The following GYG2 variants were observed in gnomAD, a reference collection of about 807,000 sequenced individuals.
GYG2 encodes the protein glycogenin-2.
GYG2 carries 29 observed loss-of-function variants against 29.4 expected under a neutral mutation model. The observed-to-expected ratio is 0.99, with a 90% CI of 0.74 to 1.35. The LOEUF is 1.35. Ranked by LOEUF, GYG2 falls within the 40% of genes most tolerant of loss-of-function variation. GYG2 has a pLI of 0.00. For synonymous variants in GYG2, 167 were observed against 172.3 expected (o/e 0.97, Z 0.24); for missense variants, 370 against 385.7 (o/e 0.96, Z 0.34).
In GYG2 at chrX:2,854,110, C is replaced by T. The variant is rs1193202982; in HGVS notation, c.280C>T (p.Leu94Phe). Residue 94 changes from leucine (L) to phenylalanine (F), a missense_variant, in exon 4 of 11, where the codon CTC becomes TTC. Transcript: ENST00000398806. ...CCTCACCAAGCTTCACTGTTGGACT[C>T]TCACTCACTACAGCAAGTGTGTCTT... The part of the protein sequence containing the change: ...LTLTKLHCWT[L>F]THYSKCVFLD... 2.5e-6 allele frequency: 3 copies of T among 1,205,651 alleles called. No homozygotes were observed. The highest frequency in any genetic ancestry group is 2.2e-5 in the Admixed American group (1 of 45,655).
In GYG2 at chrX:2,859,865, G is replaced by A; in HGVS notation, c.637G>A (p.Val213Ile). The A allele has an allele frequency of 1.0e-5, 12 of 1,199,030 alleles. No homozygotes were observed. Among genetic ancestry groups the A allele is most frequent in the Middle Eastern group, 2.3e-4 (1 of 4,309 alleles). Residue 213 changes from valine (V) to isoleucine (I), a missense_variant, in exon 7 of 11, where the codon GTC (valine) becomes ATC (isoleucine). By Grantham distance (29) the Val-to-Ile change is conservative. Transcript: ENST00000398806. ...CAGATTCGGTTCCAGTGCAAAGGTC[G>A]TCCACTTTTTGGGGTCCATGAAACC... is the stretch of plus-strand genomic sequence containing the variant. ...FKQFGSSAKV[V>I]HFLGSMKPWN...
At chrX:2,868,677 G>A (rs1160484111) in intron 8 of GYG2, among the ~76,000 whole-genome samples, 1 of 109,620 alleles carries the variant, frequency 9.1e-6, no homozygotes, top group Non-Finnish European at 1.9e-5. Flanking sequence ...GAAGGGATTG[G>A]GGGGCGAGGG....
chrX:2,843,087 A>G (rs1361433050), intron 2 of GYG2, 126 bp from the exon 3 acceptor site: 1 of 588,774 alleles, frequency 1.7e-6, no homozygotes, highest in Admixed American at 2.6e-5. Flanking sequence ...TGCTGGAATG[A>G]CAGGTGTGAA....
chrX:2,842,934 C>T (rs1221762694), intron 2 of GYG2: 1 of 354,256 alleles, frequency 2.8e-6, no homozygotes, highest in Admixed American at 3.7e-5. Flanking sequence ...CCACCTCAGC[C>T]TCTCCGAGTA....
chrX:2,839,435 T>G (rs994071232), intron 2 of GYG2, among the ~76,000 whole-genome samples: 2 of 111,255 alleles, frequency 1.8e-5, no homozygotes, highest in African/African-American at 6.5e-5. Context: ...GGAAGATTCC[T>G]GGTTTACACT....
intron 6 of GYG2, among the ~76,000 whole-genome samples, chrX:2,858,972 G>A (rs2088089354): frequency 9.0e-6 from 1 of 111,385 alleles, no homozygotes; most frequent in Non-Finnish European, 1.9e-5. Context: ...GATTTGGGCT[G>A]CTGTACTTCA....
At chrX:2,845,689 ACATT>A (rs1311003170) in intron 3 of GYG2, among the ~76,000 whole-genome samples, 3 of 106,158 alleles carry the variant, frequency 2.8e-5, no homozygotes. Flanking sequence ...GTATGTACAT[ACATT>A]TATTTATGCA....
At chrX:2,876,717 G>A (rs1039906838) in intron 9 of GYG2, among the ~76,000 whole-genome samples, 7 of 110,308 alleles carry the variant, frequency 6.3e-5, no homozygotes, top group African/African-American at 2.3e-4. Context: ...GGGAGGCCGA[G>A]GCGGGCGGAT....
At chrX:2,844,120 T>C (rs1284383489) in intron 3 of GYG2, among the ~76,000 whole-genome samples, 1 of 112,366 alleles carries the variant, frequency 8.9e-6, no homozygotes, top group African/African-American at 3.2e-5. Context: ...AAAAAATTGA[T>C]TTTATACGAA....
At chrX:2,868,262 T>C (rs1054551689) in intron 8 of GYG2, among the ~76,000 whole-genome samples, 8 of 108,744 alleles carry the variant, frequency 7.4e-5, no homozygotes, top group African/African-American at 2.7e-4. Flanking sequence ...AATCCTAGCA[T>C]GTTGGTAGGC....
At position 2,870,126 on chromosome X, in the gene GYG2, T is replaced by G. The variant is rs757416426; in HGVS notation, c.1039-5684T>G. On this transcript the variant is annotated intron_variant, in intron 8 of 10. Transcript: ENST00000398806. Reference sequence around the variant, plus strand: ...TTTTTTTTTTTTTAAGCTATCAAGTTTTTTTACTCTTTTTGTAGTGCATCT... The same window carrying G: ...TTTTTTTTTTTTTAAGCTATCAAGTGTTTTTACTCTTTTTGTAGTGCATCT... Among the ~76,000 whole-genome samples, 43 of 110,936 alleles carry G rather than the reference T, an allele frequency of 3.9e-4. No individual in the cohort carries two copies. The East Asian group carries it at 6.2e-3, about 16-fold the overall frequency.
At chrX:2,830,377 G>A (rs1186722354) in intron 2 of GYG2, among the ~76,000 whole-genome samples, 182 bp downstream of exon 2, 1 of 111,822 alleles carries the variant, frequency 8.9e-6, no homozygotes, top group Admixed American at 9.4e-5. Context: ...AGCCTCAGCT[G>A]CTGGGAGGGG....
intron 6 of GYG2, among the ~76,000 whole-genome samples, chrX:2,858,918 G>A (rs2088087785): frequency 9.0e-6 from 1 of 111,438 alleles, no homozygotes; most frequent in African/African-American, 3.3e-5. Flanking sequence ...ATTAGCCACT[G>A]TAAAAGCTAT....
intron 2 of GYG2, among the ~76,000 whole-genome samples, chrX:2,836,392 C>T (rs1299934561): frequency 9.0e-6 from 1 of 110,808 alleles, no homozygotes. Flanking sequence ...TAGTCTGGTG[C>T]GGTGGCTGGC....
At chrX:2,858,803 A>G (rs901774084) in intron 6 of GYG2, among the ~76,000 whole-genome samples, 1 of 111,913 alleles carries the variant, frequency 8.9e-6, no homozygotes, top group Non-Finnish European at 1.9e-5. Flanking sequence ...AAAAAAGTTT[A>G]AAAAGGCTCC....
At chrX:2,873,861 A>G (rs929236705) in intron 8 of GYG2, among the ~76,000 whole-genome samples, 2 of 111,080 alleles carry the variant, frequency 1.8e-5, no homozygotes, top group Non-Finnish European at 3.8e-5. Flanking sequence ...AGGCTGAGGC[A>G]GGCAGATCAC....
chrX:2,879,909 AGATG>A (rs771717765), intron 10 of GYG2, among the ~76,000 whole-genome samples: 75 of 110,536 alleles, frequency 6.8e-4, no homozygotes, highest in African/African-American at 1.5e-3. Flanking sequence ...ATGGATGGAC[AGATG>A]GATGGATGGA....
At chrX:2,851,392 C>T (rs754470457) in intron 3 of GYG2, among the ~76,000 whole-genome samples, 2 of 111,299 alleles carry the variant, frequency 1.8e-5, no homozygotes, top group South Asian at 7.7e-4. Flanking sequence ...ATTAGTTTCC[C>T]GCCACCGCAC....
chrX:2,844,881 C>T (rs2087627986), intron 3 of GYG2, among the ~76,000 whole-genome samples: 1 of 106,175 alleles, frequency 9.4e-6, no homozygotes, highest in Admixed American at 1.0e-4. Context: ...CGTATATACA[C>T]ATGTATGTGT....
Sources: gnomAD v4.1 joint callset for allele counts (sites outside exome capture counted in the v4.1 genomes callset) on GRCh38, gnomAD v4.1.1 for gene constraint, MANE v1.5 for transcripts, NCBI Gene and HGNC (gene_info 2026-07-23, HGNC 2026-07-21) for gene names.